Variants in COL17A1 observed in about 807,000 individuals in gnomAD.
COL17A1 encodes the protein collagen alpha-1(XVII) chain.
In COL17A1, 181 loss-of-function variants were observed where a neutral mutation model predicts 218.4. That is an observed-to-expected ratio of 0.83 (90% CI 0.73 to 0.94). The LOEUF is 0.94. Among genes scored for constraint, COL17A1 ranks in the 40% least tolerant of loss-of-function variants. The pLI is 0.00. For missense variants in COL17A1, 1,924 were observed against 1,945.9 expected, an observed-to-expected ratio of 0.99 and a Z score of 0.21; for synonymous variants, 721 against 731.0, an observed-to-expected ratio of 0.99 and a Z score of 0.22.
At chr10:104,058,414 T>C (rs576644046) in intron 15 of COL17A1, among the ~76,000 whole-genome samples, 1 of 152,354 alleles carries the variant, frequency 6.6e-6, no homozygotes, top group African/African-American at 2.4e-5. Context: ...AGCACTATGT[T>C]TTAATTCTCT....
intron 4 of COL17A1, among the ~76,000 whole-genome samples, chr10:104,076,972 T>A (rs1011683352): frequency 1.4e-4 from 21 of 152,228 alleles, no homozygotes; most frequent in Admixed American, 1.2e-3. Context: ...TGGGATCACA[T>A]GTCACCAGCT....
Position 104,059,626 on chromosome 10 carries a change from A to G in COL17A1, c.1222+12T>C, listed in dbSNP as rs745365651. ...TGAAGTCAAGGTGGACAACAATCAT[A>G]TTTGTTCTTACCATTAGCTTCGGCT... On this transcript the variant is annotated intron_variant, in intron 15 of 55. Transcript: ENST00000648076. 3 of 1,611,912 alleles carry G rather than the reference A, an allele frequency of 1.9e-6. No individual in the cohort carries two copies. The highest frequency in any genetic ancestry group is 2.5e-6 in the Non-Finnish European group (3 of 1,177,984).
intron 48 of COL17A1, among the ~76,000 whole-genome samples, chr10:104,035,815 T>TGTGTGTGTGTATGG (rs1564670874): frequency 6.6e-6 from 1 of 151,556 alleles, no homozygotes; most frequent in African/African-American, 2.4e-5. Flanking sequence ...TGTATGGGAG[T>TGTGTGTGTGTATGG]GAGTGTGTGT....
intron 9 of COL17A1, among the ~76,000 whole-genome samples, chr10:104,069,734 C>A (rs11591291): frequency 0.14 from 21,873 of 151,932 alleles, 1,851 homozygotes; most frequent in South Asian, 0.21. Flanking sequence ...ACTCAAACCC[C>A]GCCTCTTGAG....
chr10:104,073,224 C>T lies in COL17A1; in HGVS notation c.401G>A (p.Arg134Gln), dbSNP rs200879559. The T allele has an allele frequency of 7.4e-6, 12 of 1,613,700 alleles. No individual in the cohort carries two copies. The highest frequency in any genetic ancestry group is 1.3e-5 in the African/African-American group (1 of 74,870). ...KEFASSSTRG[R>Q]SQTRESEIRV... Reference sequence around the variant, plus strand: ...ACAGCACTCACCTCGTGTTTGACTCCGTCCTCTGGTTGAAGAAGATGCTGA... The same window carrying T: ...ACAGCACTCACCTCGTGTTTGACTCTGTCCTCTGGTTGAAGAAGATGCTGA... The change falls in exon 7 of 56, where the codon CGG becomes CAG. Residue 134 changes from arginine to glutamine, a missense_variant. Transcript: ENST00000648076.
intron 24 of COL17A1, among the ~76,000 whole-genome samples, chr10:104,051,896 G>C (rs142477229): frequency 6.6e-6 from 1 of 152,228 alleles, no homozygotes; most frequent in East Asian, 1.9e-4. Flanking sequence ...ACCCACTTAG[G>C]GATCACATAA....
chr10:104,035,648 G>A (rs2086273226), intron 48 of COL17A1, 85 bp from the exon 49 acceptor site: 2 of 1,054,786 alleles, frequency 1.9e-6, no homozygotes, highest in South Asian at 1.4e-5. Context: ...GAAGAGGTTT[G>A]GACAGAAGTG....
chr10:104,076,505 T>C, intron 4 of COL17A1, 76 bp from the exon 5 acceptor site: 2 of 1,603,268 alleles, frequency 1.2e-6, no homozygotes, highest in Non-Finnish European at 1.7e-6. Flanking sequence ...GACCCAGCTA[T>C]ATTAACCAAG....
chr10:104,057,271 C>G, intron 16 of COL17A1, 99 bp from the exon 17 acceptor site: 1 of 1,588,758 alleles, frequency 6.3e-7, no homozygotes, highest in Non-Finnish European at 8.6e-7. Context: ...TGAGTGACTA[C>G]GACTGGGGGC....
intron 8 of COL17A1, 65 bp from the exon 9 acceptor site, chr10:104,070,634 G>T: frequency 1.2e-6 from 2 of 1,612,602 alleles, no homozygotes; most frequent in Non-Finnish European, 8.5e-7. Flanking sequence ...CTGTGCAACT[G>T]GGGGGAACAT....
intron 16 of COL17A1, among the ~76,000 whole-genome samples, chr10:104,057,602 A>G (rs540609412): frequency 6.0e-5 from 9 of 150,990 alleles, no homozygotes; most frequent in African/African-American, 2.2e-4. Context: ...TCCCATCTCC[A>G]TGCCTCAGTT....
At position 104,055,415 on chromosome 10, in the gene COL17A1, CA is replaced by C. The variant is rs777706281; in HGVS notation, c.1688-15del. On this transcript the variant is annotated splice_polypyrimidine_tract_variant and intron_variant, in intron 18 of 55. Coordinates refer to ENST00000648076, the MANE Select transcript of COL17A1 (RefSeq NM_000494.4). Reference sequence around the variant, plus strand: ...CTCGGAGATTTCCTGCAAGAAAAAGCAAATCCTGAGTCAGCTTCACATCTCC... The same window carrying C: ...CTCGGAGATTTCCTGCAAGAAAAAGCAATCCTGAGTCAGCTTCACATCTCC... The C allele has an allele frequency of 1.3e-6, 2 of 1,599,022 alleles. No homozygotes were observed. Among genetic ancestry groups the C allele is most frequent in the Non-Finnish European group, 1.7e-6 (2 of 1,171,880 alleles).
chr10:104,051,600 T>G, intron 24 of COL17A1, 84 bp from the exon 25 acceptor site: 1 of 1,543,336 alleles, frequency 6.5e-7, no homozygotes, highest in Non-Finnish European at 8.9e-7. Context: ...AGGTGGGGGT[T>G]AGGGACGCTG....
At position 104,050,919 on chromosome 10, in the gene COL17A1, C is replaced by G; in HGVS notation, c.2039-18G>C. ...TACAGGACCTGCCCGGCAGAAGAAA[C>G]CATGCACACAGATGAGTATCCCTAG... On this transcript the variant is annotated intron_variant, in intron 25 of 55. Coordinates refer to ENST00000648076, the MANE Select transcript of COL17A1 (RefSeq NM_000494.4). The G allele has an allele frequency of 6.2e-7, 1 of 1,614,150 alleles. No homozygotes were observed. Among genetic ancestry groups the G allele is most frequent in the South Asian group, 1.1e-5 (1 of 91,080 alleles).
At chr10:104,078,625 G>A (rs2086733012) in intron 2 of COL17A1, 39 bp from the exon 3 acceptor site, 1 of 1,613,252 alleles carries the variant, frequency 6.2e-7, no homozygotes, top group Admixed American at 1.7e-5. Flanking sequence ...CTTATGTAAT[G>A]CACTGACACC....
chr10:104,039,454 C>A lies in COL17A1; in HGVS notation c.2887G>T (p.Gly963Cys), dbSNP rs748684787. The A allele has an allele frequency of 6.2e-7, 1 of 1,614,140 alleles. No individual in the cohort carries two copies. The highest frequency in any genetic ancestry group is 1.1e-5 in the South Asian group (1 of 91,078). Residue 963 changes from glycine to cysteine, a missense_variant, in exon 43 of 56, where the codon GGT becomes TGT. Physicochemically the swap from Gly to Cys is radical, Grantham distance 159. Coordinates refer to ENST00000648076, the MANE Select transcript of COL17A1 (RefSeq NM_000494.4). ...CTGCTCCCTCACTGACCTTTGTCAC[C>A]TTTGGGTCCCTGGGGGCCAGGTGGG... ...PGPPGPQGPKGDKGDPGVPGA... is the reference protein window; with the variant it reads ...PGPPGPQGPKCDKGDPGVPGA...
At chr10:104,058,859 G>A (rs2086555781) in intron 15 of COL17A1, among the ~76,000 whole-genome samples, 1 of 151,758 alleles carries the variant, frequency 6.6e-6, no homozygotes. Context: ...ATTTGAACCC[G>A]GGAGGCAGAA....
intron 7 of COL17A1, 81 bp from the exon 8 acceptor site, chr10:104,072,160 AT>A: frequency 6.3e-7 from 1 of 1,593,028 alleles, no homozygotes. Flanking sequence ...CTAGCAGCAG[AT>A]GGCCCTTTAG....
chr10:104,037,872 C>T (rs1417290131), intron 45 of COL17A1, 99 bp from the exon 46 acceptor site: 1 of 1,464,178 alleles, frequency 6.8e-7, no homozygotes, highest in African/African-American at 1.4e-5. Flanking sequence ...CCTGCCCCGC[C>T]CCACACATGG....
Sources: allele counts gnomAD v4.1 joint callset (sites outside exome capture counted in the v4.1 genomes callset), GRCh38; gene constraint gnomAD v4.1.1; transcripts MANE v1.5; gene names NCBI Gene and HGNC (gene_info 2026-07-23, HGNC 2026-07-21).